The following GPR137C variants were observed in gnomAD, a reference collection of about 807,000 sequenced individuals.
The protein encoded by GPR137C is G protein-coupled receptor 137C.
A neutral mutation model predicts 43.4 loss-of-function variants in GPR137C; 27 were observed. The ratio of observed to expected loss-of-function variants is 0.62; its 90% CI spans 0.46 to 0.86. The LOEUF is 0.86. Among genes scored for constraint, GPR137C ranks in the 40% least tolerant of loss-of-function variants. The pLI, the probability that GPR137C is intolerant of heterozygous loss-of-function variation, is 0.00. For missense variants in GPR137C, 522 were observed against 534.6 expected, an observed-to-expected ratio of 0.98 and a Z score of 0.23; for synonymous variants, 285 against 226.9, an observed-to-expected ratio of 1.26 and a Z score of -2.30.
intron 3 of GPR137C, among the ~76,000 whole-genome samples, chr14:52,618,791 G>A (rs540727379): frequency 2.0e-4 from 31 of 151,924 alleles, no homozygotes; most frequent in South Asian, 1.5e-3. Flanking sequence ...AAAATAACTC[G>A]TCAGCATAAA....
At chr14:52,577,581 CAA>C (rs1397121285) in intron 1 of GPR137C, among the ~76,000 whole-genome samples, 1 of 149,250 alleles carries the variant, frequency 6.7e-6, no homozygotes, top group Non-Finnish European at 1.5e-5. Context: ...CAAAGACAAA[CAA>C]AATTGGTAGG....
At position 52,559,926 on chromosome 14, in the gene GPR137C, C is replaced by T. The variant is rs144996179; in HGVS notation, c.444+6335C>T. On this transcript the variant is annotated intron_variant, in intron 1 of 6. Transcript: ENST00000321662. Reference sequence around the variant, plus strand: ...CTTTAATCTCAGCGCTTTGGGAGGCCGAGTTGGGAGGATCGCTTTAGCTCA... The same window carrying T: ...CTTTAATCTCAGCGCTTTGGGAGGCTGAGTTGGGAGGATCGCTTTAGCTCA... 5.3e-3 allele frequency among the ~76,000 whole-genome samples: 812 copies of T among 152,156 alleles called. 11 individuals are homozygous for T. The highest frequency in any genetic ancestry group is 0.019 in the African/African-American group (779 of 41,520).
At chr14:52,577,183 CAAAAAAAAAAAAAAAAAAA>C (rs34249999) in intron 1 of GPR137C, among the ~76,000 whole-genome samples, 5 of 41,172 alleles carry the variant, frequency 1.2e-4, no homozygotes, top group African/African-American at 4.1e-4. Flanking sequence ...TAAGACTCCT[CAAAAAAAAAAAAAAAAAAA>C]AAAAAAAAAA....
At chr14:52,614,961 C>T (rs2039082309) in intron 3 of GPR137C, among the ~76,000 whole-genome samples, 2 of 152,112 alleles carry the variant, frequency 1.3e-5, no homozygotes, top group South Asian at 4.1e-4. Flanking sequence ...CTTTTTAACT[C>T]GATAGGATCC....
chr14:52,624,912 G>A (rs2039204773), intron 3 of GPR137C, among the ~76,000 whole-genome samples: 1 of 152,038 alleles, frequency 6.6e-6, no homozygotes, highest in South Asian at 2.1e-4. Flanking sequence ...ACATCTTACA[G>A]ACATTAAAAG....
intron 3 of GPR137C, chr14:52,613,144 G>C (rs1432566124): frequency 1.3e-5 from 2 of 151,756 alleles, no homozygotes; most frequent in African/African-American, 4.8e-5. Flanking sequence ...TAATCGGGAG[G>C]CTGAGGCAGG....
chr14:52,587,258 A>G (rs1315215328), intron 1 of GPR137C, among the ~76,000 whole-genome samples: 1 of 152,236 alleles, frequency 6.6e-6, no homozygotes, highest in Non-Finnish European at 1.5e-5. Flanking sequence ...ATGTAAATAA[A>G]TGATATAGAT....
At chr14:52,577,503 C>CGT (rs1420992992) in intron 1 of GPR137C, among the ~76,000 whole-genome samples, 286 of 137,992 alleles carry the variant, frequency 2.1e-3, no homozygotes, top group South Asian at 3.5e-3. Flanking sequence ...AACATGCACG[C>CGT]GTGCGCGCGC....
chr14:52,558,322 A>T (rs941831389), intron 1 of GPR137C, among the ~76,000 whole-genome samples: 2 of 152,158 alleles, frequency 1.3e-5, no homozygotes, highest in African/African-American at 4.8e-5. Context: ...CTTTAAGTGT[A>T]CACCTTCAGT....
intron 3 of GPR137C, among the ~76,000 whole-genome samples, chr14:52,628,823 C>G (rs1326377271): frequency 6.6e-6 from 1 of 151,982 alleles, no homozygotes; most frequent in Non-Finnish European, 1.5e-5. Context: ...AAATTCTTAT[C>G]AAAGGCAAGA....
At chr14:52,629,273 T>C (rs1024106009) in intron 3 of GPR137C, among the ~76,000 whole-genome samples, 7 of 152,208 alleles carry the variant, frequency 4.6e-5, no homozygotes, top group South Asian at 4.1e-4. Flanking sequence ...TCTTAGGTAG[T>C]TACCCAAAAG....
chr14:52,592,376 T>C (rs1243297449), intron 1 of GPR137C, among the ~76,000 whole-genome samples: 1 of 152,182 alleles, frequency 6.6e-6, no homozygotes, highest in African/African-American at 2.4e-5. Flanking sequence ...AGAAAGTCAT[T>C]GGTAGCTTGA....
intron 3 of GPR137C, among the ~76,000 whole-genome samples, chr14:52,628,989 T>C (rs2039263285): frequency 6.6e-6 from 1 of 152,198 alleles, no homozygotes; most frequent in South Asian, 2.1e-4. Flanking sequence ...TTTGAATAGA[T>C]TCTTCACAAA....
intron 1 of GPR137C, among the ~76,000 whole-genome samples, chr14:52,559,739 A>G (rs1213634297): frequency 6.6e-6 from 1 of 152,212 alleles, no homozygotes; most frequent in East Asian, 1.9e-4. Context: ...AATTGTCTCT[A>G]TTTGTAGGTG....
chr14:52,605,204 C>T (rs1386079690), intron 3 of GPR137C, among the ~76,000 whole-genome samples: 6 of 152,012 alleles, frequency 3.9e-5, no homozygotes, highest in Non-Finnish European at 8.8e-5. Context: ...GATGTCTTTC[C>T]ATTTTTTGTG....
intron 3 of GPR137C, among the ~76,000 whole-genome samples, chr14:52,608,143 A>G (rs752614248): frequency 5.9e-5 from 9 of 152,164 alleles, no homozygotes; most frequent in Admixed American, 2.0e-4. Flanking sequence ...ATTTACTGCC[A>G]TTTTTGCTTC....
chr14:52,562,855 CA>C (rs772978134), intron 1 of GPR137C, among the ~76,000 whole-genome samples: 13 of 151,916 alleles, frequency 8.6e-5, no homozygotes, highest in Non-Finnish European at 1.6e-4. Context: ...AGGATAAATC[CA>C]AAGGAGATGA....
rs550237117 is a variant in GPR137C at position 52,583,183 on chromosome 14, T to TA, written c.445-15081dup. ...GATACATTATTTACCATTCTGAACT[T>TA]AAAAAAAATCTACATAAAGCATGTG... On this transcript the variant is annotated intron_variant, in intron 1 of 6. Coordinates refer to ENST00000321662, the MANE Select transcript of GPR137C (RefSeq NM_001099652.2). 7.2e-5 allele frequency among the ~76,000 whole-genome samples: 11 copies of TA among 152,200 alleles called. No homozygotes were observed. In the East Asian group the frequency reaches 9.6e-4, roughly 13 times the overall value.
intron 3 of GPR137C, among the ~76,000 whole-genome samples, chr14:52,631,355 C>T (rs764920485): frequency 3.3e-5 from 5 of 152,142 alleles, no homozygotes; most frequent in Non-Finnish European, 7.4e-5. Flanking sequence ...GACAACCAAA[C>T]ACAAACTTCC....
Sources: allele counts gnomAD v4.1 joint callset (sites outside exome capture counted in the v4.1 genomes callset), GRCh38; gene constraint gnomAD v4.1.1; transcripts MANE v1.5; gene names NCBI Gene and HGNC (gene_info 2026-07-23, HGNC 2026-07-21).